MTERF4: variants seen among roughly 807,000 people sequenced by gnomAD.
MTERF4 encodes the protein transcription termination factor 4, mitochondrial.
A neutral mutation model predicts 22.5 loss-of-function variants in MTERF4; 17 were observed. The observed-to-expected ratio is 0.75, with a 90% CI of 0.52 to 1.13. MTERF4 has a LOEUF of 1.13. MTERF4 is among the 50% of genes most tolerant of loss of function. MTERF4 has a pLI of 0.00. For missense variants in MTERF4, 420 were observed against 466.8 expected, an observed-to-expected ratio of 0.90 and a Z score of 0.92; for synonymous variants, 165 against 175.3, an observed-to-expected ratio of 0.94 and a Z score of 0.47.
downstream of MTERF4, chr2:241,090,050 A>G (rs1043203191): frequency 3.9e-6 from 6 of 1,539,500 alleles, no homozygotes; most frequent in Admixed American, 4.0e-5. Flanking sequence ...TAGTCCTGCA[A>G]TAAGAAATTA....
At chr2:241,070,274 G>A, downstream of MTERF4, 1 of 1,446,396 alleles carries the variant, frequency 6.9e-7, no homozygotes, top group Non-Finnish European at 9.2e-7. Context: ...GGACTGACCT[G>A]GCCCTGCAGG....
downstream of MTERF4, chr2:241,089,107 G>A (rs1359123240): frequency 5.8e-6 from 3 of 515,670 alleles, no homozygotes; most frequent in South Asian, 3.3e-5. Flanking sequence ...AAACAACACT[G>A]GCATTCTTCA....
At chr2:241,046,555 T>G in the MTERF4 span, among the ~76,000 whole-genome samples, 1 of 152,152 alleles carries the variant, frequency 6.6e-6, no homozygotes, top group African/African-American at 2.4e-5. Flanking sequence ...GTCTCAAAGA[T>G]TATATCCTGT....
downstream of MTERF4, chr2:241,092,653 T>C (rs1438024554): frequency 2.0e-5 from 3 of 152,236 alleles, no homozygotes; most frequent in Non-Finnish European, 4.4e-5. The surrounding 1 kb of genome is among the most constrained non-coding windows in gnomAD (Gnocchi z 4.6). Context: ...CAAGTCTCAG[T>C]GCAACAGAGA....
chr2:241,073,829 C>A lies in MTERF4; in HGVS notation n.2333G>T. The A allele has an allele frequency of 4.4e-6, 1 of 227,524 alleles. No homozygotes were observed. Among genetic ancestry groups the A allele is most frequent in the Non-Finnish European group, 8.6e-6 (1 of 116,060 alleles). The allele number at this position is 227,524 out of a possible 1,614,324, so 14.1% of individuals were successfully genotyped here. A position where few individuals can be genotyped will look rare whatever the true frequency, so the allele number is the denominator to read the frequency against. ...CTGTGGACACTCAGGTTATGCAGGA[C>A]CTGAACTGTCTCCTAGTCCGGGGCT... On this transcript the variant is annotated non_coding_transcript_exon_variant, in exon 5 of 5. Coordinates refer to the MTERF4 transcript ENST00000464344. The surrounding 1 kb of genome is among the most constrained non-coding windows in gnomAD (Gnocchi z 6.6).
chr2:241,063,467 G>A, the MTERF4 span: 2 of 731,122 alleles, frequency 2.7e-6, no homozygotes, highest in South Asian at 3.0e-5. Context: ...CATGTCCTGA[G>A]TAGTTGCTCC....
At chr2:241,098,609 C>T (rs986770860) in intron 2 of MTERF4, among the ~76,000 whole-genome samples, 2 of 152,316 alleles carry the variant, frequency 1.3e-5, no homozygotes, top group East Asian at 3.9e-4. Context: ...ATCCCAGGAA[C>T]CTGGCCAGAT....
At chr2:241,081,467 C>T (rs568833734) in intron 4 of MTERF4, among the ~76,000 whole-genome samples, 18 of 152,332 alleles carry the variant, frequency 1.2e-4, no homozygotes, top group African/African-American at 4.1e-4. Context: ...GAGCACACTG[C>T]GGCCTGTCTC....
the MTERF4 span, among the ~76,000 whole-genome samples, chr2:241,042,787 A>G: frequency 4.6e-5 from 7 of 152,276 alleles, no homozygotes; most frequent in Non-Finnish European, 8.8e-5. Context: ...GAACCTGAAG[A>G]GTGAAACAGA....
chr2:241,095,072 C>G (rs80115958), downstream of MTERF4: 2 of 142,392 alleles, frequency 1.4e-5, no homozygotes, highest in African/African-American at 5.2e-5. Flanking sequence ...CCCCCCCCCC[C>G]CCCACACCCA....
At chr2:241,065,631 C>CCCTG in the MTERF4 span, 1 of 1,591,392 alleles carries the variant, frequency 6.3e-7, no homozygotes, top group South Asian at 1.1e-5. Context: ...CCTGCCCAGC[C>CCCTG]CCTGCCCCTC....
At chr2:241,092,286 C>A (rs2125361473), downstream of MTERF4, 1 of 152,292 alleles carries the variant, frequency 6.6e-6, no homozygotes, top group Non-Finnish European at 1.5e-5. The surrounding 1 kb of genome is among the most constrained non-coding windows in gnomAD (Gnocchi z 4.6). Context: ...GCGCGACTGG[C>A]AGCCTTTCTC....
chr2:241,099,148 C>T (rs2064588708), intron 2 of MTERF4: 2 of 414,360 alleles, frequency 4.8e-6, no homozygotes, highest in East Asian at 4.5e-5. Flanking sequence ...CATCTCAGCT[C>T]ACTGCAACCT....
In MTERF4 at chr2:241,073,316, G is replaced by A. The variant is rs762573933; in HGVS notation, n.2846C>T. On this transcript the variant is annotated non_coding_transcript_exon_variant, in exon 5 of 5. Coordinates refer to the MTERF4 transcript ENST00000464344. The surrounding 1 kb of genome is among the most constrained non-coding windows in gnomAD (Gnocchi z 6.6). ...GAACATGGAGGAAGCCCCCAAGCGG[G>A]TCAGCCTGGCCCTCCAGCTCCCTGA... The A allele has an allele frequency of 1.1e-5, 17 of 1,574,228 alleles. No homozygotes were observed. In the South Asian group the frequency reaches 1.9e-4, roughly 17 times the overall value.
chr2:241,071,620 C>G, downstream of MTERF4: 1 of 1,586,820 alleles, frequency 6.3e-7, no homozygotes, highest in South Asian at 1.1e-5. Context: ...GGGAGGACAC[C>G]ACCCTCGGGT....
At chr2:241,067,735 G>A (rs556470471), downstream of MTERF4, 6 of 1,571,396 alleles carry the variant, frequency 3.8e-6, no homozygotes, top group South Asian at 6.9e-5. Context: ...GGAGGGGCCG[G>A]CACCTGCTGA....
At chr2:241,068,017 A>C, downstream of MTERF4, 1 of 1,403,400 alleles carries the variant, frequency 7.1e-7, no homozygotes, top group East Asian at 2.4e-5. This position sits in a 1 kb window ranked among gnomAD's most constrained non-coding sequence, Gnocchi z 5.3. Flanking sequence ...CACGGGGCCC[A>C]GGTCTCGGGC....
At chr2:241,055,860 G>A in the MTERF4 span, among the ~76,000 whole-genome samples, 193 of 152,272 alleles carry the variant, frequency 1.3e-3, no homozygotes, top group African/African-American at 4.3e-3. Context: ...ATCCTTAAGC[G>A]TTTAAAACCA....
the MTERF4 span, among the ~76,000 whole-genome samples, chr2:241,062,503 C>G: frequency 6.6e-6 from 1 of 152,122 alleles, no homozygotes; most frequent in Non-Finnish European, 1.5e-5. Context: ...ACCCCTGAGG[C>G]CTTTGTCCTG....
Sources: gnomAD v4.1 joint callset for allele counts (sites outside exome capture counted in the v4.1 genomes callset) on GRCh38, gnomAD v4.1.1 for gene constraint, Gnocchi (gnomAD v3.1) non-coding constraint, MANE v1.5 for transcripts, NCBI Gene and HGNC (gene_info 2026-07-23, HGNC 2026-07-21) for gene names.